CACNA2D3: variants seen among roughly 807,000 people sequenced by gnomAD.
The protein encoded by CACNA2D3 is voltage-dependent calcium channel subunit alpha-2/delta-3.
Under a neutral mutation model 160.6 loss-of-function variants are expected in CACNA2D3, and 60 were observed. The observed-to-expected ratio is 0.37, with a 90% CI of 0.30 to 0.46. CACNA2D3 has a LOEUF of 0.46. Among genes scored for constraint, CACNA2D3 ranks in the 20% least tolerant of loss-of-function variants. CACNA2D3 has a pLI of 1.00. For synonymous variants in CACNA2D3, 558 were observed against 492.9 expected (o/e 1.13, Z -1.75); for missense variants, 1,205 against 1,365.0 (o/e 0.88, Z 1.85).
chr3:54,312,425 G>T (rs758333593), intron 2 of CACNA2D3, among the ~76,000 whole-genome samples: 2 of 151,986 alleles, frequency 1.3e-5, no homozygotes, highest in African/African-American at 2.4e-5. Flanking sequence ...CCCCTCTTCC[G>T]TGTCTGGCTT....
intron 5 of CACNA2D3, among the ~76,000 whole-genome samples, chr3:54,521,607 A>G (rs970558542): frequency 2.6e-5 from 4 of 152,208 alleles, no homozygotes; most frequent in African/African-American, 9.6e-5. Flanking sequence ...TGTCATATCT[A>G]AGAATCTGTT....
intron 27 of CACNA2D3, among the ~76,000 whole-genome samples, chr3:54,934,472 T>C (rs913041617): frequency 5.9e-5 from 9 of 152,226 alleles, no homozygotes; most frequent in Non-Finnish European, 1.3e-4. Context: ...TTATTCCGTT[T>C]ACTGCATATG....
intron 11 of CACNA2D3, among the ~76,000 whole-genome samples, chr3:54,740,180 C>T (rs1701621583): frequency 6.6e-6 from 1 of 152,100 alleles, no homozygotes; most frequent in Non-Finnish European, 1.5e-5. Context: ...GAGCCCTCTG[C>T]TTGAGCCAGT....
At chr3:54,201,676 G>A (rs980950765) in intron 2 of CACNA2D3, among the ~76,000 whole-genome samples, 1 of 152,098 alleles carries the variant, frequency 6.6e-6, no homozygotes, top group Non-Finnish European at 1.5e-5. Context: ...TGAAATTATC[G>A]AAAGACTGTA....
intron 2 of CACNA2D3, among the ~76,000 whole-genome samples, chr3:54,300,645 A>G (rs1395796492): frequency 6.6e-6 from 1 of 152,208 alleles, no homozygotes; most frequent in African/African-American, 2.4e-5. Flanking sequence ...CTTTCTGAGT[A>G]TAAGTATGAC....
At chr3:54,872,052 T>C (rs997686278) in intron 18 of CACNA2D3, among the ~76,000 whole-genome samples, 2 of 152,214 alleles carry the variant, frequency 1.3e-5, no homozygotes, top group Middle Eastern at 3.2e-3. Flanking sequence ...CAGGACCTCA[T>C]TGGCACAGCC....
chr3:54,440,341 C>A (rs1486609031), intron 4 of CACNA2D3, among the ~76,000 whole-genome samples: 1 of 152,128 alleles, frequency 6.6e-6, no homozygotes, highest in Non-Finnish European at 1.5e-5. Context: ...GGAAGCCCAC[C>A]CTAACCATGT....
Position 55,033,919 on chromosome 3 carries a change from A to C in CACNA2D3, c.2987+15602A>C, listed in dbSNP as rs577715212. ...TTTAATATATAATATAAAAATACAT[A>C]TATATTTAAGGTTGTATGAGATTCC... On this transcript the variant is annotated intron_variant, in intron 35 of 37. Transcript: ENST00000474759. Among the ~76,000 whole-genome samples the C allele has an allele frequency of 1.2e-4, 16 of 138,136 alleles. 2 individuals are homozygous for C. Among genetic ancestry groups the C allele is most frequent in the Non-Finnish European group, 2.0e-4 (13 of 65,904 alleles). 90.6% of individuals were successfully genotyped at this position (138,136 alleles called of 152,430 possible).
At chr3:54,823,749 G>A (rs766345391) in intron 14 of CACNA2D3, among the ~76,000 whole-genome samples, 21 of 152,248 alleles carry the variant, frequency 1.4e-4, no homozygotes, top group South Asian at 6.2e-4. Flanking sequence ...GTGTGTGTGC[G>A]TGTGTGTACA....
At chr3:54,239,255 G>C (rs911556445) in intron 2 of CACNA2D3, among the ~76,000 whole-genome samples, 44 of 152,226 alleles carry the variant, frequency 2.9e-4, no homozygotes, top group African/African-American at 1.0e-3. Flanking sequence ...GAGTTGCTTT[G>C]CTTTCAACTC....
chr3:54,961,345 T>C (rs1246367574), intron 27 of CACNA2D3, among the ~76,000 whole-genome samples: 3 of 152,226 alleles, frequency 2.0e-5, no homozygotes, highest in African/African-American at 7.2e-5. Context: ...CATTTATCTG[T>C]ACAATTTGGG....
intron 2 of CACNA2D3, among the ~76,000 whole-genome samples, chr3:54,287,715 T>TA (rs745559283): frequency 6.9e-6 from 1 of 145,936 alleles, no homozygotes; most frequent in Non-Finnish European, 1.5e-5. Context: ...ACAGAGATTA[T>TA]AACAAACTAT....
chr3:54,711,413 A>G (rs1700949533), intron 11 of CACNA2D3, among the ~76,000 whole-genome samples: 1 of 152,222 alleles, frequency 6.6e-6, no homozygotes, highest in Non-Finnish European at 1.5e-5. Flanking sequence ...ACTCTCTGCC[A>G]TTCTTAACAT....
At chr3:54,880,558 A>C (rs548321601) in intron 20 of CACNA2D3, among the ~76,000 whole-genome samples, 10 of 152,190 alleles carry the variant, frequency 6.6e-5, no homozygotes, top group Non-Finnish European at 1.5e-4. Context: ...TGAAAACACA[A>C]AGAGTAGCCA....
In CACNA2D3 at chr3:54,977,633, T is replaced by A. The variant is rs567856398; in HGVS notation, c.2557-6975T>A. On this transcript the variant is annotated intron_variant, in intron 29 of 37. Transcript: ENST00000474759. The stretch of plus-strand genomic sequence containing the variant: ...TGTGGGGATTTGAATATTGACAGTA[T>A]CTGAATATGGAGGCCACTTCTGTAC... 3.3e-5 allele frequency among the ~76,000 whole-genome samples: 5 copies of A among 152,300 alleles called. No homozygotes were observed. In the South Asian group the frequency reaches 1.0e-3, roughly 32 times the overall value.
At chr3:54,910,028 C>G (rs961006314) in intron 27 of CACNA2D3, among the ~76,000 whole-genome samples, 2 of 151,994 alleles carry the variant, frequency 1.3e-5, no homozygotes, top group Non-Finnish European at 2.9e-5. Flanking sequence ...CTTTTTATTC[C>G]CAATGTCTCC....
At chr3:54,921,673 A>AT (rs1354650959) in intron 27 of CACNA2D3, among the ~76,000 whole-genome samples, 1 of 152,056 alleles carries the variant, frequency 6.6e-6, no homozygotes, top group East Asian at 1.9e-4. Context: ...TCCGCCATGC[A>AT]TTTTGTTCCC....
intron 13 of CACNA2D3, among the ~76,000 whole-genome samples, chr3:54,814,794 C>A (rs1259388101): frequency 6.6e-6 from 1 of 152,118 alleles, no homozygotes; most frequent in African/African-American, 2.4e-5. Flanking sequence ...AGAGGTGTTT[C>A]CTGCTCAACA....
intron 4 of CACNA2D3, among the ~76,000 whole-genome samples, chr3:54,470,008 C>T (rs971104405): frequency 6.6e-6 from 1 of 152,184 alleles, no homozygotes; most frequent in African/African-American, 2.4e-5. Flanking sequence ...AAACACTCTT[C>T]AGGATATTAT....
Sources: gnomAD v4.1 joint callset for allele counts (sites outside exome capture counted in the v4.1 genomes callset) on GRCh38, gnomAD v4.1.1 for gene constraint, MANE v1.5 for transcripts, NCBI Gene and HGNC (gene_info 2026-07-23, HGNC 2026-07-21) for gene names.